The following CEP112 variants were observed in gnomAD, a reference collection of about 807,000 sequenced individuals.
The protein encoded by CEP112 is centrosomal protein of 112 kDa.
In CEP112, 127 loss-of-function variants were observed where a neutral mutation model predicts 153.0. The observed-to-expected ratio is 0.83, with a 90% confidence interval of 0.72 to 0.96. The LOEUF is 0.96. Among genes scored for constraint, CEP112 ranks in the 40% least tolerant of loss-of-function variants. CEP112 has a pLI of 0.00. For synonymous variants in CEP112, 358 were observed against 374.4 expected (o/e 0.96, Z 0.51); for missense variants, 1,089 against 1,101.2 (o/e 0.99, Z 0.16).
At chr17:66,173,678 A>T (rs2072340617) in intron 4 of CEP112, among the ~76,000 whole-genome samples, 1 of 152,136 alleles carries the variant, frequency 6.6e-6, no homozygotes, top group South Asian at 2.1e-4. Flanking sequence ...ATCTCTTTAT[A>T]CCTCCATATA....
chr17:66,074,991 C>A (rs1379055728), intron 8 of CEP112, among the ~76,000 whole-genome samples: 1 of 151,486 alleles, frequency 6.6e-6, no homozygotes, highest in African/African-American at 2.4e-5. Context: ...GGAATAACAT[C>A]TTAGAAGTGC....
chr17:66,127,092 G>T (rs1003744497), intron 6 of CEP112, among the ~76,000 whole-genome samples: 4 of 152,142 alleles, frequency 2.6e-5, no homozygotes, highest in African/African-American at 9.7e-5. Flanking sequence ...CACTGTAAGT[G>T]TATTCTTTGA....
chr17:66,125,015 C>T lies in CEP112; in HGVS notation c.642+4731G>A, dbSNP rs555819014. Among the ~76,000 whole-genome samples the T allele has an allele frequency of 2.6e-5, 4 of 151,984 alleles. No homozygotes were observed. The East Asian group carries it at 7.7e-4, about 29-fold the overall frequency. On this transcript the variant is annotated intron_variant, in intron 6 of 26. Coordinates refer to ENST00000535342, the MANE Select transcript of CEP112 (RefSeq NM_001199165.4). ...GGGGAAAATGCTATAAATACTGTTA[C>T]GGCTTTGTTTGTTTTTTATGAATAA...
intron 23 of CEP112, among the ~76,000 whole-genome samples, chr17:65,696,603 C>T (rs1240590443): frequency 2.0e-5 from 3 of 152,128 alleles, no homozygotes; most frequent in Admixed American, 6.5e-5. Flanking sequence ...AGAAAGGGGA[C>T]TTGCGAGCTG....
At chr17:66,129,936 G>T (rs1014609492) in intron 5 of CEP112, 113 bp from the exon 6 acceptor site, 18 of 569,804 alleles carry the variant, frequency 3.2e-5, no homozygotes, top group Non-Finnish European at 5.0e-5. Flanking sequence ...GGGAAATAAA[G>T]AGGAAGGAAG....
chr17:66,155,382 G>T (rs1245445995), intron 4 of CEP112, among the ~76,000 whole-genome samples: 2 of 152,060 alleles, frequency 1.3e-5, no homozygotes, highest in Non-Finnish European at 2.9e-5. Flanking sequence ...TTTTCCCATG[G>T]TCTTCACAAC....
At chr17:66,105,680 G>A (rs1267560510) in intron 6 of CEP112, among the ~76,000 whole-genome samples, 1 of 152,074 alleles carries the variant, frequency 6.6e-6, no homozygotes, top group Non-Finnish European at 1.5e-5. Context: ...TGTAGTCTCA[G>A]CTACTTGGGA....
At chr17:65,872,292 G>T (rs1382803446) in intron 20 of CEP112, among the ~76,000 whole-genome samples, 3 of 151,542 alleles carry the variant, frequency 2.0e-5, no homozygotes, top group Non-Finnish European at 4.4e-5. Context: ...ATATTCAAAA[G>T]GTATAAATAG....
intron 19 of CEP112, among the ~76,000 whole-genome samples, chr17:65,909,905 G>T (rs2060222033): frequency 6.6e-6 from 1 of 152,106 alleles, no homozygotes; most frequent in Non-Finnish European, 1.5e-5. Flanking sequence ...AGAGAAAAAT[G>T]AACTGAAGAT....
At chr17:65,853,949 A>G (rs2058047872) in intron 20 of CEP112, among the ~76,000 whole-genome samples, 1 of 152,168 alleles carries the variant, frequency 6.6e-6, no homozygotes, top group South Asian at 2.1e-4. Flanking sequence ...TTCATGTATG[A>G]TTGCTAAGAA....
At chr17:66,066,703 TC>T (rs1219337642) in intron 10 of CEP112, 74 bp downstream of exon 10, 1 of 1,029,798 alleles carries the variant, frequency 9.7e-7, no homozygotes, top group African/African-American at 1.7e-5. Context: ...AGGTCAGAAA[TC>T]AAATTTTTTT....
intron 19 of CEP112, among the ~76,000 whole-genome samples, chr17:65,916,787 T>A (rs1163513502): frequency 6.6e-6 from 1 of 151,752 alleles, no homozygotes; most frequent in African/African-American, 2.4e-5. Context: ...CTCCAAGCAA[T>A]CCTCCCTCCT....
intron 24 of CEP112, among the ~76,000 whole-genome samples, chr17:65,656,120 G>T (rs1284485551): frequency 6.6e-6 from 1 of 152,168 alleles, no homozygotes; most frequent in Non-Finnish European, 1.5e-5. Flanking sequence ...ATTATCTGGA[G>T]CCATAACTAT....
At chr17:66,035,546 A>G (rs1006987876) in intron 12 of CEP112, among the ~76,000 whole-genome samples, 1 of 152,218 alleles carries the variant, frequency 6.6e-6, no homozygotes, top group Non-Finnish European at 1.5e-5. Context: ...AGGCACCTCA[A>G]AAATTTAAAA....
chr17:65,908,934 C>T (rs935680793), intron 19 of CEP112, among the ~76,000 whole-genome samples: 4 of 152,144 alleles, frequency 2.6e-5, no homozygotes, highest in Admixed American at 2.0e-4. Flanking sequence ...CAAGATGGAG[C>T]CACTGGACAT....
intron 17 of CEP112, among the ~76,000 whole-genome samples, chr17:65,963,978 T>TA (rs1218471125): frequency 6.6e-6 from 1 of 152,214 alleles, no homozygotes; most frequent in Non-Finnish European, 1.5e-5. Flanking sequence ...TTTTATGACC[T>TA]ACAGAGTTTA....
intron 8 of CEP112, among the ~76,000 whole-genome samples, chr17:66,087,793 A>G (rs904674424): frequency 1.3e-5 from 2 of 151,896 alleles, no homozygotes; most frequent in African/African-American, 2.4e-5. Flanking sequence ...CCCTCCCCCA[A>G]CTCCAGACAG....
At position 66,055,916 on chromosome 17, in the gene CEP112, G is replaced by A. The variant is rs1878688; in HGVS notation, c.1075-2037C>T. Among the ~76,000 whole-genome samples, 868 of 152,302 alleles carry A rather than the reference G, an allele frequency of 5.7e-3. 4 individuals carry two copies. Among genetic ancestry groups the A allele is most frequent in the Middle Eastern group, 0.02 (6 of 294 alleles). ...CATTCAACAAATTTTATTAGTACCTGCTATGTACCAGGCATAATGCATCAG... is the reference window on the plus strand; with the variant it reads ...CATTCAACAAATTTTATTAGTACCTACTATGTACCAGGCATAATGCATCAG... On this transcript the variant is annotated intron_variant, in intron 11 of 26. Coordinates refer to ENST00000535342, the MANE Select transcript of CEP112 (RefSeq NM_001199165.4).
At chr17:65,894,105 G>A (rs1179930981) in intron 20 of CEP112, among the ~76,000 whole-genome samples, 1 of 152,058 alleles carries the variant, frequency 6.6e-6, no homozygotes, top group East Asian at 1.9e-4. Flanking sequence ...TACTTTCTCA[G>A]AGATAATTTC....
Sources: gnomAD v4.1 joint callset for allele counts (sites outside exome capture counted in the v4.1 genomes callset) on GRCh38, gnomAD v4.1.1 for gene constraint, MANE v1.5 for transcripts, NCBI Gene and HGNC (gene_info 2026-07-23, HGNC 2026-07-21) for gene names.